GPHN: variants seen among roughly 807,000 people sequenced by gnomAD.
GPHN encodes gephyrin.
In GPHN, 17 loss-of-function variants were observed where a neutral mutation model predicts 95.5. The observed-to-expected ratio is 0.18, with a 90% confidence interval of 0.12 to 0.27. The LOEUF is 0.27. Ranked by LOEUF, GPHN falls within the 10% of genes least tolerant of loss-of-function variation. The pLI is 1.00. For missense variants in GPHN, 660 were observed against 978.1 expected (o/e 0.67, Z 4.34); for synonymous variants, 320 against 322.5 (o/e 0.99, Z 0.08).
At chr14:67,427,284 AC>A in the GPHN span, among the ~76,000 whole-genome samples, 17 of 152,202 alleles carry the variant, frequency 1.1e-4, no homozygotes, top group South Asian at 8.3e-4. Flanking sequence ...TAAGAGAAAA[AC>A]TTCTGCCCAG....
In GPHN at chr14:66,698,717, A is replaced by G. The variant is rs568402438; in HGVS notation, c.143+17532A>G. ...GTCACTCAAAGCCAGAAATACAGTC[A>G]TCCATCCTTTGGTATGTGTTGGGGA... On this transcript the variant is annotated intron_variant, in intron 2 of 22. Transcript: ENST00000478722. Among the ~76,000 whole-genome samples, 233 of 152,330 alleles carry G rather than the reference A, an allele frequency of 1.5e-3. 14 individuals carry two copies. The South Asian group carries it at 0.047, about 31-fold the overall frequency.
the GPHN span, chr14:67,317,616 T>A: frequency 1.9e-6 from 1 of 538,684 alleles, no homozygotes; most frequent in Non-Finnish European, 3.3e-6. Context: ...ATCCTGTGAG[T>A]AAGGCAGTGT....
chr14:67,014,991 T>A (rs186760441), intron 9 of GPHN, among the ~76,000 whole-genome samples: 1 of 152,288 alleles, frequency 6.6e-6, no homozygotes, highest in East Asian at 1.9e-4. Flanking sequence ...TTAAGAACAT[T>A]TAACATTGAT....
chr14:67,292,643 A>C, the GPHN span: 1 of 1,613,768 alleles, frequency 6.2e-7, no homozygotes, highest in Non-Finnish European at 8.5e-7. Context: ...AAGATACACA[A>C]TGCCATCACA....
chr14:67,249,916 G>A, the GPHN span, among the ~76,000 whole-genome samples: 1 of 152,154 alleles, frequency 6.6e-6, no homozygotes, highest in African/African-American at 2.4e-5. Context: ...GCTCTGCTAG[G>A]ACTTGGTTGT....
the GPHN span, among the ~76,000 whole-genome samples, chr14:67,558,754 A>G: frequency 6.6e-6 from 1 of 152,238 alleles, no homozygotes; most frequent in East Asian, 1.9e-4. Context: ...CACAAAGACA[A>G]TATCAAACCA....
intron 1 of GPHN, among the ~76,000 whole-genome samples, chr14:66,528,740 G>A (rs1056271024): frequency 6.6e-6 from 1 of 152,190 alleles, no homozygotes; most frequent in East Asian, 1.9e-4. Context: ...GGCTGGATAT[G>A]TGGTAATTCT....
At chr14:67,519,461 A>G in the GPHN span, among the ~76,000 whole-genome samples, 4 of 152,318 alleles carry the variant, frequency 2.6e-5, no homozygotes, top group South Asian at 2.1e-4. Context: ...CTGCTCAAGC[A>G]TAAAGAGTCA....
intron 18 of GPHN, among the ~76,000 whole-genome samples, chr14:67,152,325 A>C: frequency 6.6e-6 from 1 of 152,058 alleles, no homozygotes; most frequent in African/African-American, 2.4e-5. Flanking sequence ...TCACTATATC[A>C]TTATGATTTT....
chr14:66,537,591 T>A (rs1206373007), intron 1 of GPHN, among the ~76,000 whole-genome samples: 2 of 152,214 alleles, frequency 1.3e-5, no homozygotes, highest in Non-Finnish European at 2.9e-5. Flanking sequence ...AATTTTTTTG[T>A]AAACAGTTAA....
At chr14:67,240,438 G>A in the GPHN span, among the ~76,000 whole-genome samples, 1 of 152,198 alleles carries the variant, frequency 6.6e-6, no homozygotes, top group Non-Finnish European at 1.5e-5. Context: ...GGCTTTGAGG[G>A]AGGACTGTGC....
At chr14:67,360,558 T>A in the GPHN span, 1 of 212,430 alleles carries the variant, frequency 4.7e-6, no homozygotes, top group Non-Finnish European at 9.2e-6. Context: ...TACCTCCCTT[T>A]CCCGTCCCTG....
Position 67,003,324 on chromosome 14 carries a change from A to G in GPHN, c.964-20309A>G, listed in dbSNP as rs113844052. ...ACTAGATTTCTAGACTAGTGTTCATATAACTCTTAATTAGCTGATATTACA... is the reference window on the plus strand; with the variant it reads ...ACTAGATTTCTAGACTAGTGTTCATGTAACTCTTAATTAGCTGATATTACA... On this transcript the variant is annotated intron_variant, in intron 9 of 22. Transcript: ENST00000478722. Among the ~76,000 whole-genome samples the G allele has an allele frequency of 7.3e-4, 111 of 151,882 alleles. 2 individuals carry two copies. Among genetic ancestry groups the G allele is most frequent in the Admixed American group, 2.0e-3 (31 of 15,226 alleles).
chr14:67,585,718 T>C, the GPHN span: 1 of 1,263,630 alleles, frequency 7.9e-7, no homozygotes, highest in Non-Finnish European at 1.1e-6. Flanking sequence ...TTTCTTCTCC[T>C]CTGTGGACTC....
At chr14:67,303,582 C>T in the GPHN span, 1 of 1,613,270 alleles carries the variant, frequency 6.2e-7, no homozygotes, top group Non-Finnish European at 8.5e-7. Context: ...CAAGCCGCCT[C>T]CTGCCAAGGA....
the GPHN span, among the ~76,000 whole-genome samples, chr14:67,507,636 T>C: frequency 3.9e-5 from 6 of 152,158 alleles, no homozygotes; most frequent in Admixed American, 3.3e-4. Flanking sequence ...AGACAAGGTC[T>C]CACTGTGTTG....
At chr14:66,822,250 A>G (rs2061223461) in intron 3 of GPHN, among the ~76,000 whole-genome samples, 1 of 152,172 alleles carries the variant, frequency 6.6e-6, no homozygotes, top group Non-Finnish European at 1.5e-5. Flanking sequence ...GCGTCCAGCC[A>G]ACTGATTTTA....
chr14:66,532,125 G>T (rs184708692), intron 1 of GPHN, among the ~76,000 whole-genome samples: 2 of 152,302 alleles, frequency 1.3e-5, no homozygotes, highest in South Asian at 2.1e-4. Context: ...CATGTGAATC[G>T]AACTTTTATA....
chr14:67,241,377 G>A, the GPHN span: 1 of 154,366 alleles, frequency 6.5e-6, no homozygotes, highest in Non-Finnish European at 1.4e-5. Flanking sequence ...GGAGGAGGCA[G>A]GCGGTGGGGC....
Sources: gnomAD v4.1 joint callset for allele counts (sites outside exome capture counted in the v4.1 genomes callset) on GRCh38, gnomAD v4.1.1 for gene constraint, MANE v1.5 for transcripts, NCBI Gene and HGNC (gene_info 2026-07-23, HGNC 2026-07-21) for gene names.